AGBL4: variants seen among roughly 807,000 people sequenced by gnomAD.
AGBL4 encodes AGBL carboxypeptidase 4.
In AGBL4, 58 loss-of-function variants were observed where a neutral mutation model predicts 66.4. The observed-to-expected ratio is 0.87, with a 90% CI of 0.71 to 1.09. The LOEUF is 1.09. Among genes scored for constraint, AGBL4 ranks in the 50% least tolerant of loss-of-function variants. The pLI, the probability that AGBL4 is intolerant of heterozygous loss-of-function variation, is 0.00. For missense variants in AGBL4, 579 were observed against 631.0 expected (o/e 0.92, Z 0.88); for synonymous variants, 234 against 222.9 (o/e 1.05, Z -0.44).
chr1:49,491,170 G>A (rs540659500), intron 3 of AGBL4, among the ~76,000 whole-genome samples: 3 of 151,856 alleles, frequency 2.0e-5, no homozygotes, highest in African/African-American at 7.2e-5. Flanking sequence ...CATAATCAGA[G>A]TTTAATATTT....
chr1:49,632,121 G>C (rs948090865), intron 3 of AGBL4, among the ~76,000 whole-genome samples: 2 of 152,182 alleles, frequency 1.3e-5, no homozygotes, highest in African/African-American at 2.4e-5. Flanking sequence ...GAGTGTAGTA[G>C]AGAAAATGAA....
intron 3 of AGBL4, among the ~76,000 whole-genome samples, chr1:49,581,865 G>A (rs1333869969): frequency 6.6e-6 from 1 of 152,192 alleles, no homozygotes; most frequent in Non-Finnish European, 1.5e-5. Flanking sequence ...TACGAGGCAA[G>A]TGAGTGGGCT....
intron 3 of AGBL4, among the ~76,000 whole-genome samples, chr1:49,565,832 A>G (rs1439275524): frequency 6.6e-6 from 1 of 151,950 alleles, no homozygotes; most frequent in Admixed American, 6.6e-5. Context: ...TATTTCCTGA[A>G]TTTGAATGTT....
chr1:48,538,047 C>T (rs181994144), intron 12 of AGBL4, among the ~76,000 whole-genome samples: 32 of 152,278 alleles, frequency 2.1e-4, no homozygotes, highest in African/African-American at 6.5e-4. Context: ...AAGAAATAGA[C>T]GTGATTCTCC....
intron 3 of AGBL4, among the ~76,000 whole-genome samples, chr1:49,414,240 C>T (rs1000240336): frequency 6.6e-6 from 1 of 152,086 alleles, no homozygotes; most frequent in Non-Finnish European, 1.5e-5. Flanking sequence ...ATTGAACTCA[C>T]ATTAATAGAA....
intron 10 of AGBL4, among the ~76,000 whole-genome samples, chr1:48,588,860 G>GAGAAGAGAAGAGAA (rs1253235496): frequency 2.0e-5 from 3 of 147,684 alleles, no homozygotes; most frequent in African/African-American, 7.3e-5. Context: ...GAGAAGAGAA[G>GAGAAGAGAAGAGAA]GGAAGAGAAG....
intron 4 of AGBL4, among the ~76,000 whole-genome samples, chr1:49,109,142 G>A (rs1645356490): frequency 6.6e-6 from 1 of 152,192 alleles, no homozygotes; most frequent in African/African-American, 2.4e-5. Context: ...TGTAATAGCA[G>A]CAGCTGGGGA....
At chr1:49,089,055 G>A (rs1209370864) in intron 4 of AGBL4, among the ~76,000 whole-genome samples, 1 of 151,712 alleles carries the variant, frequency 6.6e-6, no homozygotes, top group African/African-American at 2.4e-5. Flanking sequence ...GGAAACTAAT[G>A]AGTGCTAAGA....
chr1:49,357,087 T>A (rs1253916459), intron 3 of AGBL4, among the ~76,000 whole-genome samples: 1 of 152,152 alleles, frequency 6.6e-6, no homozygotes, highest in Non-Finnish European at 1.5e-5. Flanking sequence ...TGACACTTTG[T>A]CCTAATGGGC....
At chr1:49,647,190 T>C (rs1645906758) in intron 3 of AGBL4, among the ~76,000 whole-genome samples, 1 of 151,954 alleles carries the variant, frequency 6.6e-6, no homozygotes, top group Non-Finnish European at 1.5e-5. Context: ...ATCATCAAAA[T>C]TAAGAATGAA....
intron 4 of AGBL4, among the ~76,000 whole-genome samples, chr1:49,214,281 C>T (rs1387304217): frequency 6.6e-6 from 1 of 152,064 alleles, no homozygotes; most frequent in Non-Finnish European, 1.5e-5. Context: ...ACCCAGTAAC[C>T]TACTTAACAT....
At chr1:49,842,321 TC>T in intron 2 of AGBL4, 1 of 524,620 alleles carries the variant, frequency 1.9e-6, no homozygotes, top group Non-Finnish European at 3.4e-6. Context: ...AAACATCACC[TC>T]CCTGCTGGAG....
chr1:49,030,820 CAAAA>C (rs34872551), intron 5 of AGBL4, among the ~76,000 whole-genome samples: 5 of 62,070 alleles, frequency 8.1e-5, no homozygotes, highest in Admixed American at 3.2e-4. Flanking sequence ...TAAGTAGAGG[CAAAA>C]AAAAAAAAAA....
chr1:48,676,220 A>G (rs1646362389), intron 6 of AGBL4, among the ~76,000 whole-genome samples: 1 of 152,242 alleles, frequency 6.6e-6, no homozygotes, highest in African/African-American at 2.4e-5. Context: ...CTGATTTCAG[A>G]AACCTTCAGT....
chr1:49,847,042 C>T (rs1320052694), intron 2 of AGBL4, among the ~76,000 whole-genome samples: 5 of 152,166 alleles, frequency 3.3e-5, no homozygotes, highest in Admixed American at 6.5e-5. Context: ...TACTACAAGG[C>T]TTTATTAACC....
intron 3 of AGBL4, among the ~76,000 whole-genome samples, chr1:49,523,375 T>C (rs1279894345): frequency 1.3e-5 from 2 of 152,110 alleles, no homozygotes; most frequent in African/African-American, 4.8e-5. Context: ...TCTTTGTGTC[T>C]CAGATCAATT....
intron 3 of AGBL4, among the ~76,000 whole-genome samples, chr1:49,443,700 GC>G (rs1048703484): frequency 3.3e-5 from 5 of 151,400 alleles, no homozygotes; most frequent in African/African-American, 9.7e-5. Flanking sequence ...GGTAATGTGA[GC>G]CTCCAGCCTT....
chr1:49,843,140 A>C (rs1293992898), intron 2 of AGBL4, among the ~76,000 whole-genome samples: 1 of 152,092 alleles, frequency 6.6e-6, no homozygotes, highest in African/African-American at 2.4e-5. Flanking sequence ...CCTCCACATC[A>C]ATAACAGACG....
chr1:48,857,444 C>T (rs946214479), intron 6 of AGBL4, among the ~76,000 whole-genome samples: 18 of 152,062 alleles, frequency 1.2e-4, no homozygotes, highest in African/African-American at 3.9e-4. Context: ...AGGTATGGGC[C>T]GGGTGAGGTG....
Sources: allele counts gnomAD v4.1 joint callset (sites outside exome capture counted in the v4.1 genomes callset), GRCh38; gene constraint gnomAD v4.1.1; transcripts MANE v1.5; gene names NCBI Gene and HGNC (gene_info 2026-07-23, HGNC 2026-07-21).